The following XRRA1 variants were observed in gnomAD, a reference collection of about 807,000 sequenced individuals.
XRRA1 encodes X-ray radiation resistance-associated protein 1.
In XRRA1, 69 loss-of-function variants were observed where a neutral mutation model predicts 80.2. The ratio of observed to expected loss-of-function variants is 0.86; its 90% confidence interval spans 0.71 to 1.05. XRRA1 has a LOEUF of 1.05. XRRA1 is among the 50% of genes least tolerant of loss of function. The pLI is 0.00. For synonymous variants in XRRA1, 348 were observed against 389.9 expected (o/e 0.89, Z 1.27); for missense variants, 967 against 976.4 (o/e 0.99, Z 0.13).
chr11:74,843,947 G>C lies in XRRA1; in HGVS notation c.2056C>G (p.Pro686Ala). ...CTAGTCTTCTTTGGGGGTGGAATCGGGATTCTCTGGGCCTGGCAGAAGGTC... is the reference window on the plus strand; with the variant it reads ...CTAGTCTTCTTTGGGGGTGGAATCGCGATTCTCTGGGCCTGGCAGAAGGTC... ...VHKEKRAQRI[P>A]IPPPKKTRAQ... The change falls in exon 18 of 19, where the codon CCG becomes GCG. Residue 686 changes from proline to alanine, a missense_variant. Transcript: ENST00000684022. 6.2e-7 allele frequency: 1 copy of C among 1,613,500 alleles called. No homozygotes were observed. Among genetic ancestry groups the C allele is most frequent in the Non-Finnish European group, 8.5e-7 (1 of 1,179,662 alleles).
chr11:74,929,706 G>C (rs538227358), intron 6 of XRRA1, among the ~76,000 whole-genome samples: 72 of 152,166 alleles, frequency 4.7e-4, no homozygotes, highest in Non-Finnish European at 9.4e-4. Flanking sequence ...CTCAGCTTAG[G>C]TGCTCCTCTT....
chr11:74,926,623 G>C (rs1942303205), intron 7 of XRRA1, among the ~76,000 whole-genome samples: 1 of 152,118 alleles, frequency 6.6e-6, no homozygotes, highest in African/African-American at 2.4e-5. Flanking sequence ...CTCTCAGGTA[G>C]TGACAAAAGC....
intron 8 of XRRA1, chr11:74,913,796 C>G (rs1190729597): frequency 6.6e-6 from 1 of 152,088 alleles, no homozygotes; most frequent in African/African-American, 2.4e-5. Context: ...AGCCCCCTCC[C>G]CCATCAAAAT....
chr11:74,921,171 T>G, intron 8 of XRRA1, 43 bp downstream of exon 8: 1 of 1,603,698 alleles, frequency 6.2e-7, no homozygotes, highest in South Asian at 1.1e-5. Context: ...CTTGGATATT[T>G]GTACACAAAA....
At position 74,894,866 on chromosome 11, in the gene XRRA1, T is replaced by C. The variant is rs192988377; in HGVS notation, c.1003+11373A>G. On this transcript the variant is annotated intron_variant, in intron 10 of 18. Coordinates refer to ENST00000684022, the MANE Select transcript of XRRA1 (RefSeq NM_001378157.1). ...GTAGTAATAAAAGAAGATATAAAAC[T>C]GTCCAGGGATATGAAATACCAATTC... Among the ~76,000 whole-genome samples the C allele has an allele frequency of 3.5e-3, 531 of 152,240 alleles. 7 individuals are homozygous for C. The Middle Eastern group carries it at 0.037, about 11-fold the overall frequency.
chr11:74,882,156 T>C (rs573029564), intron 10 of XRRA1, among the ~76,000 whole-genome samples: 3 of 152,332 alleles, frequency 2.0e-5, no homozygotes, highest in Admixed American at 6.5e-5. Context: ...AAATCAGACG[T>C]AGATTTTGGT....
rs967013260 is a variant in XRRA1 at position 74,907,603 on chromosome 11, G to A, written c.657-330C>T. ...GAAAGAGGCATGACCAAGCTGGAGG[G>A]AGCATTCTGCAGATCACTGCACAAT... On this transcript the variant is annotated intron_variant, in intron 8 of 18. Transcript: ENST00000684022. Among the ~76,000 whole-genome samples, 12 of 152,164 alleles carry A rather than the reference G, an allele frequency of 7.9e-5. No individual in the cohort carries two copies. The South Asian group carries it at 8.3e-4, about 11-fold the overall frequency.
chr11:74,897,570 T>C (rs2052621692), intron 10 of XRRA1, among the ~76,000 whole-genome samples: 1 of 151,908 alleles, frequency 6.6e-6, no homozygotes, highest in African/African-American at 2.4e-5. Flanking sequence ...TTTAATCAAA[T>C]TCCCAAAGGT....
At chr11:74,879,535 C>T (rs1372893265) in intron 10 of XRRA1, among the ~76,000 whole-genome samples, 1 of 151,992 alleles carries the variant, frequency 6.6e-6, no homozygotes, top group Non-Finnish European at 1.5e-5. Context: ...GCATCCCTGT[C>T]TTGTGCCAGT....
At position 74,863,126 on chromosome 11, in the gene XRRA1, C is replaced by G. The variant is rs541500495; in HGVS notation, c.1004-105G>C. 322 of 1,072,726 alleles carry G rather than the reference C, an allele frequency of 3.0e-4. 1 individual carries two copies. The African/African-American group carries it at 4.2e-3, about 14-fold the overall frequency. 66.5% of individuals were successfully genotyped at this position (1,072,726 alleles called of 1,614,324 possible). A position where few individuals can be genotyped will look rare whatever the true frequency, so the allele number is the denominator to read the frequency against. On this transcript the variant is annotated intron_variant, in intron 10 of 18. Coordinates refer to ENST00000684022, the MANE Select transcript of XRRA1 (RefSeq NM_001378157.1). Reference sequence around the variant, plus strand: ...TCCACTGTGTGCAGCAGGGCACCTCCTAGAGGGAGTTCTCATTGGTCCTCA... The same window carrying G: ...TCCACTGTGTGCAGCAGGGCACCTCGTAGAGGGAGTTCTCATTGGTCCTCA...
At chr11:74,903,804 C>G (rs1008760481) in intron 10 of XRRA1, among the ~76,000 whole-genome samples, 1 of 152,104 alleles carries the variant, frequency 6.6e-6, no homozygotes, top group East Asian at 1.9e-4. Flanking sequence ...AGAAAGAGCT[C>G]AAGACCATAT....
At chr11:74,850,182 CCT>C (rs1233744016) in intron 14 of XRRA1, among the ~76,000 whole-genome samples, 1 of 152,188 alleles carries the variant, frequency 6.6e-6, no homozygotes, top group East Asian at 1.9e-4. Flanking sequence ...AGTCAGTTCA[CCT>C]CTCTGAGTCT....
chr11:74,887,862 G>A (rs183592398), intron 10 of XRRA1, among the ~76,000 whole-genome samples: 1 of 152,254 alleles, frequency 6.6e-6, no homozygotes, highest in Non-Finnish European at 1.5e-5. Flanking sequence ...CAATGGGGCA[G>A]TGAGTCTGGG....
rs1271367538 is a variant in XRRA1 at position 74,848,384 on chromosome 11, A to AG, written c.1458dup (p.Ser487LeufsTer13). ...GCCTCTGGCTCTAGCATATCCTTTG[A>AG]GGGAGACTTGGTTGTCGTCATGCGC... On this transcript the variant is annotated frameshift_variant, in exon 15 of 19. Transcript: ENST00000684022. LOFTEE classifies it high-confidence loss of function. 2.5e-6 allele frequency: 4 copies of AG among 1,613,716 alleles called. No homozygotes were observed. Among genetic ancestry groups the AG allele is most frequent in the Non-Finnish European group, 3.4e-6 (4 of 1,179,844 alleles).
At chr11:74,898,054 C>T (rs140015467) in intron 10 of XRRA1, among the ~76,000 whole-genome samples, 4 of 152,198 alleles carry the variant, frequency 2.6e-5, no homozygotes, top group Non-Finnish European at 5.9e-5. Context: ...ATAATTACAA[C>T]AACTTTTCAA....
At chr11:74,887,377 A>T (rs2049296248) in intron 10 of XRRA1, among the ~76,000 whole-genome samples, 1 of 152,182 alleles carries the variant, frequency 6.6e-6, no homozygotes. Flanking sequence ...TAAGCAAAAA[A>T]CCACCCCATT....
intron 7 of XRRA1, 41 bp downstream of exon 7, chr11:74,927,350 G>A: frequency 8.4e-7 from 1 of 1,191,982 alleles, no homozygotes; most frequent in Non-Finnish European, 1.2e-6. Context: ...TCCTTACAGG[G>A]GAACTTGGTG....
chr11:74,850,837 T>A (rs1041802478), intron 14 of XRRA1: 1 of 230,798 alleles, frequency 4.3e-6, no homozygotes, highest in African/African-American at 2.3e-5. Flanking sequence ...GCCTGGCCCA[T>A]AGCCATTCTC....
At chr11:74,941,002 C>CAGGGTGTCGGAGGCAG in intron 2 of XRRA1, 120 bp from the exon 3 acceptor site, 3 of 691,792 alleles carry the variant, frequency 4.3e-6, no homozygotes, top group Non-Finnish European at 7.4e-6. Context: ...ACCCTGCCTC[C>CAGGGTGTCGGAGGCAG]GACACCCTGG....
Sources: gnomAD v4.1 joint callset for allele counts (sites outside exome capture counted in the v4.1 genomes callset) on GRCh38, gnomAD v4.1.1 for gene constraint, MANE v1.5 for transcripts, NCBI Gene and HGNC (gene_info 2026-07-23, HGNC 2026-07-21) for gene names.